The following BANP variants were observed in gnomAD, a reference collection of about 807,000 sequenced individuals.
BANP encodes the protein protein BANP.
In BANP, 11 loss-of-function variants were observed where a neutral mutation model predicts 68.1. The ratio of observed to expected loss-of-function variants is 0.16; its 90% CI spans 0.10 to 0.27. The LOEUF (loss-of-function observed/expected upper bound fraction) is 0.27. BANP is among the 10% of genes least tolerant of loss of function. The pLI is 1.00. For missense variants in BANP, 504 were observed against 722.7 expected (o/e 0.70, Z 3.47); for synonymous variants, 329 against 303.2 (o/e 1.09, Z -0.88).
At chr16:88,006,947 CAAAAA>C (rs11349895) in intron 6 of BANP, among the ~76,000 whole-genome samples, 9 of 81,672 alleles carry the variant, frequency 1.1e-4, no homozygotes, top group African/African-American at 1.5e-4. Context: ...GACTCTGTCT[CAAAAA>C]AAAAAAAAAA....
chr16:88,001,741 T>C (rs1231207753), intron 4 of BANP, among the ~76,000 whole-genome samples: 1 of 152,206 alleles, frequency 6.6e-6, no homozygotes, highest in Non-Finnish European at 1.5e-5. Context: ...CAATGAGCTT[T>C]TGGCAGTCGA....
intron 1 of BANP, among the ~76,000 whole-genome samples, chr16:87,965,844 ATAAG>A (rs1304978880): frequency 5.9e-5 from 9 of 152,174 alleles, no homozygotes; most frequent in Admixed American, 4.6e-4. Flanking sequence ...CAGGTAATAA[ATAAG>A]TAAGGCCTAC....
At chr16:88,011,096 A>G (rs4843843) in intron 6 of BANP, among the ~76,000 whole-genome samples, 143,597 of 152,264 alleles carry the variant, frequency 0.94, 68,330 homozygotes, top group South Asian at 1. Context: ...GAGAACAGTC[A>G]TGGCTCTGAG....
intron 7 of BANP, among the ~76,000 whole-genome samples, chr16:88,022,944 C>T (rs2076290928): frequency 6.6e-6 from 1 of 152,210 alleles, no homozygotes; most frequent in Admixed American, 6.5e-5. Flanking sequence ...AGTCAGGTCA[C>T]ATTCTGGGGT....
chr16:88,049,375 G>T (rs1038932724), intron 11 of BANP, among the ~76,000 whole-genome samples: 1 of 152,160 alleles, frequency 6.6e-6, no homozygotes, highest in Non-Finnish European at 1.5e-5. Flanking sequence ...ACGGGGGAAG[G>T]GGCACAGAGC....
rs957786261 is a variant in BANP, at chr16:88,036,101, C to G, written c.1272+707C>G. On this transcript the variant is annotated intron_variant, in intron 10 of 13. Transcript: ENST00000682872. This position sits in a 1 kb window ranked among gnomAD's most constrained non-coding sequence, Gnocchi z 4.2. ...TGTCTCCCGGGTGACCGTCCTTCGACTCTGGGCTGTTTCCTGCAGCACAGG... is the reference window on the plus strand; with the variant it reads ...TGTCTCCCGGGTGACCGTCCTTCGAGTCTGGGCTGTTTCCTGCAGCACAGG... Among the ~76,000 whole-genome samples the G allele has an allele frequency of 6.6e-6, 1 of 152,226 alleles. No individual in the cohort carries two copies. Among genetic ancestry groups the G allele is most frequent in the African/African-American group, 2.4e-5 (1 of 41,456 alleles).
chr16:87,991,812 A>T (rs988824666), intron 4 of BANP, among the ~76,000 whole-genome samples: 1 of 152,184 alleles, frequency 6.6e-6, no homozygotes, highest in Non-Finnish European at 1.5e-5. Flanking sequence ...ATGCATAATT[A>T]TGTTACCTTT....
chr16:88,066,808 G>A (rs966442438), intron 12 of BANP, among the ~76,000 whole-genome samples: 4 of 152,012 alleles, frequency 2.6e-5, no homozygotes, highest in African/African-American at 4.8e-5. Flanking sequence ...CCTTCAAAAC[G>A]CCGCTCCCAG....
chr16:87,975,082 C>G lies in BANP; in HGVS notation c.-34C>G, dbSNP rs2061771028. 1 of 1,595,932 alleles carries G rather than the reference C, an allele frequency of 6.3e-7. No homozygotes were observed. ...AGCCAGCCCCACTGTGAGTTGAACT[C>G]TTTCGTGTTGACCGGCCACTCTCCG... On this transcript the variant is annotated 5_prime_UTR_variant, in exon 2 of 14. Coordinates refer to ENST00000682872, the MANE Select transcript of BANP (RefSeq NM_001386991.1).
At chr16:87,977,209 T>C (rs1048973764) in intron 2 of BANP, among the ~76,000 whole-genome samples, 7 of 152,158 alleles carry the variant, frequency 4.6e-5, no homozygotes, top group Admixed American at 6.5e-5. Flanking sequence ...TGTCAGGAGA[T>C]TGAGACCATC....
chr16:87,952,666 A>G (rs1264452829), intron 1 of BANP: 1 of 152,258 alleles, frequency 6.6e-6, no homozygotes, highest in Non-Finnish European at 1.5e-5. Flanking sequence ...CAGTGCTAGA[A>G]GAAAACACCA....
intron 11 of BANP, among the ~76,000 whole-genome samples, chr16:88,047,388 C>A (rs978329212): frequency 6.6e-6 from 1 of 152,192 alleles, no homozygotes; most frequent in African/African-American, 2.4e-5. Flanking sequence ...TATTTTCATG[C>A]ACGTCAGTGA....
intron 13 of BANP, among the ~76,000 whole-genome samples, chr16:88,074,208 A>G (rs2091093101): frequency 7.0e-6 from 1 of 143,860 alleles, no homozygotes; most frequent in Non-Finnish European, 1.5e-5. Flanking sequence ...ATCCACATGA[A>G]GCCCCCACCC....
chr16:87,988,004 A>T (rs148974048), intron 4 of BANP, among the ~76,000 whole-genome samples: 1 of 152,254 alleles, frequency 6.6e-6, no homozygotes, highest in African/African-American at 2.4e-5. Flanking sequence ...AAGTCCTGAA[A>T]ATTAGAAATA....
At chr16:87,999,343 C>T (rs1279683049) in intron 4 of BANP, among the ~76,000 whole-genome samples, 4 of 146,174 alleles carry the variant, frequency 2.7e-5, no homozygotes, top group African/African-American at 5.1e-5. Context: ...CGCACATGCG[C>T]GGCTGTACTT....
At chr16:88,054,392 CCAT>C (rs1230055639) in intron 11 of BANP, among the ~76,000 whole-genome samples, 2 of 149,396 alleles carry the variant, frequency 1.3e-5, no homozygotes, top group East Asian at 3.9e-4. Flanking sequence ...TCTACTATCT[CCAT>C]CATCACCAAC....
chr16:87,982,352 T>C (rs1331689054), intron 3 of BANP, among the ~76,000 whole-genome samples: 1 of 152,184 alleles, frequency 6.6e-6, no homozygotes, highest in Admixed American at 6.5e-5. Context: ...GAGTGATTTT[T>C]CCCAAAACCC....
At chr16:88,007,202 T>A (rs1220316754) in intron 6 of BANP, among the ~76,000 whole-genome samples, 1 of 152,188 alleles carries the variant, frequency 6.6e-6, no homozygotes, top group Non-Finnish European at 1.5e-5. Context: ...TGGCCCCCTC[T>A]AACCTTTCGT....
chr16:88,021,506 G>T (rs975819090), intron 7 of BANP, among the ~76,000 whole-genome samples: 1 of 152,160 alleles, frequency 6.6e-6, no homozygotes, highest in African/African-American at 2.4e-5. Flanking sequence ...CAACTGCTGC[G>T]TATGGACCAG....
Sources: gnomAD v4.1 joint callset for allele counts (sites outside exome capture counted in the v4.1 genomes callset) on GRCh38, gnomAD v4.1.1 for gene constraint, Gnocchi (gnomAD v3.1) non-coding constraint, MANE v1.5 for transcripts, NCBI Gene and HGNC (gene_info 2026-07-23, HGNC 2026-07-21) for gene names.